The following MBOAT1 variants were observed in gnomAD, a reference collection of about 807,000 sequenced individuals.
MBOAT1 encodes membrane bound glycerophospholipid O-acyltransferase 1.
Under a neutral mutation model 64.4 loss-of-function variants are expected in MBOAT1, and 67 were observed. The ratio of observed to expected loss-of-function variants is 1.04; its 90% CI spans 0.85 to 1.27. The LOEUF is 1.27. Among genes scored for constraint, MBOAT1 ranks in the 50% most tolerant of loss-of-function variants. The pLI, the probability that MBOAT1 is intolerant of heterozygous loss-of-function variation, is 0.00. For synonymous variants in MBOAT1, 229 were observed against 218.9 expected (o/e 1.05, Z -0.41); for missense variants, 563 against 604.6 (o/e 0.93, Z 0.72).
intron 3 of MBOAT1, among the ~76,000 whole-genome samples, chr6:20,149,127 A>T (rs1008764279): frequency 2.0e-5 from 3 of 151,550 alleles, no homozygotes; most frequent in African/African-American, 7.3e-5. Context: ...AAACCAAACA[A>T]AAAAAGGAAC....
chr6:20,113,969 A>G (rs1302978218), intron 10 of MBOAT1, among the ~76,000 whole-genome samples: 1 of 152,146 alleles, frequency 6.6e-6, no homozygotes, highest in African/African-American at 2.4e-5. Flanking sequence ...AAGAAAAAGA[A>G]TGCAGTTGGA....
intron 4 of MBOAT1, among the ~76,000 whole-genome samples, chr6:20,135,434 T>G (rs1343716810): frequency 6.6e-6 from 1 of 152,168 alleles, no homozygotes; most frequent in Non-Finnish European, 1.5e-5. Flanking sequence ...TGGTACCCAT[T>G]CATTCATTCA....
chr6:20,121,371 A>G (rs1212798158), intron 8 of MBOAT1, among the ~76,000 whole-genome samples: 1 of 152,268 alleles, frequency 6.6e-6, no homozygotes, highest in Non-Finnish European at 1.5e-5. Context: ...CGTGCAATCT[A>G]AACTGTAACA....
At chr6:20,184,078 G>A (rs995632125) in intron 1 of MBOAT1, among the ~76,000 whole-genome samples, 36 of 152,334 alleles carry the variant, frequency 2.4e-4, no homozygotes, top group African/African-American at 8.7e-4. Context: ...CACAATTCAA[G>A]TTGAGATTTG....
intron 10 of MBOAT1, among the ~76,000 whole-genome samples, chr6:20,114,229 G>A (rs1473114851): frequency 1.3e-5 from 2 of 152,160 alleles, no homozygotes; most frequent in Non-Finnish European, 2.9e-5. Context: ...ACCCATGAAA[G>A]ATGCTGCTTA....
chr6:20,174,054 C>T (rs1476598038), intron 1 of MBOAT1, among the ~76,000 whole-genome samples: 1 of 152,136 alleles, frequency 6.6e-6, no homozygotes. Context: ...CCTCACGAGA[C>T]AGTTATAAAG....
At chr6:20,133,859 G>A (rs751757510) in intron 4 of MBOAT1, among the ~76,000 whole-genome samples, 48 of 152,172 alleles carry the variant, frequency 3.2e-4, no homozygotes, top group Admixed American at 1.0e-3. Flanking sequence ...ATCTGGTGCT[G>A]TGGGAGTGAG....
chr6:20,152,333 A>AAAAT (rs1554118873), intron 2 of MBOAT1, among the ~76,000 whole-genome samples: 10 of 135,088 alleles, frequency 7.4e-5, no homozygotes, highest in Admixed American at 2.9e-4. Flanking sequence ...TCTCAAAAAA[A>AAAAT]AAAAATAAAA....
chr6:20,131,241 C>A, intron 4 of MBOAT1, 42 bp from the exon 5 acceptor site: 1 of 1,564,352 alleles, frequency 6.4e-7, no homozygotes, highest in Non-Finnish European at 8.8e-7. Context: ...GCAAGAAGGC[C>A]ATTGATGTGG....
At chr6:20,153,400 C>A (rs1006438254) in intron 1 of MBOAT1, among the ~76,000 whole-genome samples, 5 of 152,114 alleles carry the variant, frequency 3.3e-5, no homozygotes, top group Admixed American at 6.5e-5. Context: ...CTTTTCTCAC[C>A]CCCAGCAGGA....
chr6:20,167,075 A>G (rs62397919), intron 1 of MBOAT1, among the ~76,000 whole-genome samples: 37,165 of 152,134 alleles, frequency 0.24, 5,049 homozygotes, highest in East Asian at 0.52. Flanking sequence ...TGTCTCTTGG[A>G]TCTTATTTCC....
At chr6:20,187,692 A>G (rs886109401) in intron 1 of MBOAT1, among the ~76,000 whole-genome samples, 24 of 152,224 alleles carry the variant, frequency 1.6e-4, no homozygotes, top group African/African-American at 5.1e-4. Context: ...AATAATGCCT[A>G]TGGTCAGGTA....
chr6:20,172,793 A>G (rs1762237377), intron 1 of MBOAT1, among the ~76,000 whole-genome samples: 1 of 152,214 alleles, frequency 6.6e-6, no homozygotes, highest in African/African-American at 2.4e-5. Flanking sequence ...GCTCAAAAAT[A>G]CAGGAGGTAA....
Position 20,100,606 on chromosome 6 carries a change from A to G in MBOAT1, c.*1680T>C, listed in dbSNP as rs1759759181. ...TGCTGTAGAGGAACAGGCACATCAC[A>G]TTCACATTTCACTATCCTAAGAGAA... On this transcript the variant is annotated 3_prime_UTR_variant, in exon 13 of 13. Coordinates refer to ENST00000324607, the MANE Select transcript of MBOAT1 (RefSeq NM_001080480.3). 6.6e-6 allele frequency among the ~76,000 whole-genome samples: 1 copy of G among 152,182 alleles called. No individual in the cohort carries two copies. Among genetic ancestry groups the G allele is most frequent in the Admixed American group, 6.5e-5 (1 of 15,276 alleles).
At chr6:20,118,263 G>A (rs1350201896) in intron 9 of MBOAT1, among the ~76,000 whole-genome samples, 174 bp downstream of exon 9, 4 of 147,876 alleles carry the variant, frequency 2.7e-5, no homozygotes, top group African/African-American at 9.8e-5. Flanking sequence ...AAAAAAAAAA[G>A]ACAGAAAAAA....
At chr6:20,141,025 A>G (rs1761153281) in intron 4 of MBOAT1, among the ~76,000 whole-genome samples, 1 of 152,078 alleles carries the variant, frequency 6.6e-6, no homozygotes, top group Non-Finnish European at 1.5e-5. Flanking sequence ...GCTACCTGAG[A>G]TCCAAATGCA....
Position 20,100,621 on chromosome 6 carries a change from T to C in MBOAT1, c.*1665A>G, listed in dbSNP as rs182474408. On this transcript the variant is annotated 3_prime_UTR_variant, in exon 13 of 13. Transcript: ENST00000324607. ...GGCACATCACATTCACATTTCACTA[T>C]CCTAAGAGAAGCAGCAGTAGGACAC... is the stretch of plus-strand genomic sequence containing the variant. 1.8e-4 allele frequency among the ~76,000 whole-genome samples: 27 copies of C among 152,292 alleles called. No homozygotes were observed. Among genetic ancestry groups the C allele is most frequent in the African/African-American group, 5.1e-4 (21 of 41,546 alleles).
chr6:20,192,995 C>CTTTTTTTTTTTTTTTTTTTTTT lies in MBOAT1; in HGVS notation c.99+19119_99+19140dup, dbSNP rs1174816793. On this transcript the variant is annotated intron_variant, in intron 1 of 12. Coordinates refer to ENST00000324607, the MANE Select transcript of MBOAT1 (RefSeq NM_001080480.3). ...TTATTCAGCTGGTATGCTATAATTT[C>CTTTTTTTTTTTTTTTTTTTTTT]TTTTTTTTTTTTTTTTTTTTTTTTT... 3.6e-4 allele frequency among the ~76,000 whole-genome samples: 20 copies of CTTTTTTTTTTTTTTTTTTTTTT among 55,048 alleles called. 7 individuals carry two copies. The highest frequency in any genetic ancestry group is 4.8e-4 in the Non-Finnish European group (14 of 29,078). The allele number at this position is 55,048 out of a possible 152,430, so 36.1% of individuals were successfully genotyped here.
At position 20,157,178 on chromosome 6, in the gene MBOAT1, G is replaced by C. The variant is rs181812537; in HGVS notation, c.100-4409C>G. Among the ~76,000 whole-genome samples the C allele has an allele frequency of 7.2e-5, 11 of 152,264 alleles. No homozygotes were observed. The South Asian group carries it at 2.3e-3, about 32-fold the overall frequency. On this transcript the variant is annotated intron_variant, in intron 1 of 12. Coordinates refer to ENST00000324607, the MANE Select transcript of MBOAT1 (RefSeq NM_001080480.3). The stretch of plus-strand genomic sequence containing the variant: ...ATGATAGTGAAAGCCTGTAATCCTA[G>C]TTACTCAGGAGGCTGAGGCAGGAGG...
Sources: allele counts gnomAD v4.1 joint callset (sites outside exome capture counted in the v4.1 genomes callset), GRCh38; gene constraint gnomAD v4.1.1; transcripts MANE v1.5; gene names NCBI Gene and HGNC (gene_info 2026-07-23, HGNC 2026-07-21).